The following TMIGD2 variants were observed in gnomAD, a reference collection of about 807,000 sequenced individuals.
TMIGD2 encodes transmembrane and immunoglobulin domain-containing protein 2.
Under a neutral mutation model 22.6 loss-of-function variants are expected in TMIGD2, and 18 were observed. The ratio of observed to expected loss-of-function variants is 0.80; its 90% CI spans 0.55 to 1.18. TMIGD2 has a LOEUF of 1.18. TMIGD2 is among the 50% of genes most tolerant of loss of function. The pLI, the probability that TMIGD2 is intolerant of heterozygous loss-of-function variation, is 0.00. For missense variants in TMIGD2, 361 were observed against 378.2 expected, an observed-to-expected ratio of 0.95 and a Z score of 0.38; for synonymous variants, 184 against 154.1, an observed-to-expected ratio of 1.19 and a Z score of -1.44.
intron 1 of TMIGD2, among the ~76,000 whole-genome samples, chr19:4,301,480 G>A (rs944482268): frequency 1.4e-4 from 21 of 152,122 alleles, no homozygotes; most frequent in African/African-American, 2.2e-4. Context: ...CCACCTGGCC[G>A]AGATGGCGAA....
intron 2 of TMIGD2, among the ~76,000 whole-genome samples, chr19:4,297,121 G>C (rs1031944208): frequency 1.6e-4 from 21 of 131,786 alleles, no homozygotes; most frequent in Non-Finnish European, 2.6e-4. Context: ...CTGTAGCCCA[G>C]GCTGGAGTGC....
chr19:4,301,891 G>A (rs1283774273), intron 1 of TMIGD2, among the ~76,000 whole-genome samples: 1 of 152,128 alleles, frequency 6.6e-6, no homozygotes, highest in Non-Finnish European at 1.5e-5. Flanking sequence ...TTAGACCCCC[G>A]GAGAAGTTGA....
exon 5 of TMIGD2, chr19:4,292,831 C>T: frequency 6.2e-7 from 1 of 1,613,924 alleles, no homozygotes; most frequent in Non-Finnish European, 8.5e-7. Flanking sequence ...GCAGTCCTCA[C>T]TCTTCTTTGG....
rs1223910504 is a variant in TMIGD2, at chr19:4,295,260, CA to C, written c.407-445del. 2.1e-3 allele frequency among the ~76,000 whole-genome samples: 166 copies of C among 79,164 alleles called. 1 individual carries two copies. The highest frequency in any genetic ancestry group is 4.8e-3 in the East Asian group (11 of 2,312). The allele number at this position is 79,164 out of a possible 152,430, so 51.9% of individuals were successfully genotyped here. A position where few individuals can be genotyped will look rare whatever the true frequency, so the allele number is the denominator to read the frequency against. ...TGGGTGACAGAGCAAGACTCTGCCTCAAAAAAAAAAAAAAAGAAGGCCAGGC... is the reference window on the plus strand; with the variant it reads ...TGGGTGACAGAGCAAGACTCTGCCTCAAAAAAAAAAAAAAGAAGGCCAGGC... On this transcript the variant is annotated intron_variant, in intron 2 of 4. Transcript: ENST00000301272.
chr19:4,292,675 A>G (rs1304394601), exon 5 of TMIGD2: 7 of 1,605,002 alleles, frequency 4.4e-6, no homozygotes, highest in African/African-American at 1.3e-5. Flanking sequence ...GACCCTGACC[A>G]TAGAGACGGG....
intron 4 of TMIGD2, among the ~76,000 whole-genome samples, chr19:4,293,538 GCA>G (rs1971415599): frequency 6.6e-6 from 1 of 151,248 alleles, no homozygotes; most frequent in African/African-American, 2.4e-5. Context: ...GGGATTACAT[GCA>G]TGAGCCACTG....
intron 1 of TMIGD2, among the ~76,000 whole-genome samples, chr19:4,298,701 A>G (rs1971496821): frequency 6.6e-6 from 1 of 151,998 alleles, no homozygotes; most frequent in Non-Finnish European, 1.5e-5. Context: ...GCACCACTGC[A>G]CTCCAGCCTG....
intron 1 of TMIGD2, among the ~76,000 whole-genome samples, chr19:4,301,742 G>C (rs531457414): frequency 6.6e-6 from 1 of 152,192 alleles, no homozygotes; most frequent in Non-Finnish European, 1.5e-5. Context: ...GGAATCAGAG[G>C]AGAGGGAAAG....
intron 1 of TMIGD2, among the ~76,000 whole-genome samples, chr19:4,300,834 G>C (rs79179716): frequency 0.077 from 11,770 of 152,312 alleles, 606 homozygotes; most frequent in Non-Finnish European, 0.12. Context: ...AGGGAGAGAG[G>C]GAGGAAGGGT....
chr19:4,298,299 C>T, exon 2 of TMIGD2: 1 of 1,603,516 alleles, frequency 6.2e-7, no homozygotes, highest in Non-Finnish European at 8.5e-7. Context: ...TCACCTGCAG[C>T]AAGTTGGGCC....
chr19:4,293,710 C>T (rs982761738), intron 4 of TMIGD2, among the ~76,000 whole-genome samples: 2 of 152,032 alleles, frequency 1.3e-5, no homozygotes, highest in Admixed American at 1.3e-4. Flanking sequence ...AATCCTCACA[C>T]CTCAGCCTCC....
chr19:4,292,413 C>G (rs1053311361), exon 5 of TMIGD2: 12 of 676,480 alleles, frequency 1.8e-5, no homozygotes, highest in Non-Finnish European at 2.6e-5. Flanking sequence ...GCAATCTCGG[C>G]TCACTGCAAC....
At chr19:4,293,167 T>C (rs1228186020) in intron 4 of TMIGD2, among the ~76,000 whole-genome samples, 3 of 151,404 alleles carry the variant, frequency 2.0e-5, no homozygotes, top group East Asian at 3.9e-4. Flanking sequence ...GTTTCACTGT[T>C]AGCCAGGATG....
chr19:4,294,486 TCC>T (rs1353448109), intron 4 of TMIGD2, 91 bp downstream of exon 4: 41 of 1,223,756 alleles, frequency 3.4e-5, no homozygotes, highest in South Asian at 5.1e-5. Context: ...CCTCCATCCT[TCC>T]CCCAGGCGGG....
intron 1 of TMIGD2, among the ~76,000 whole-genome samples, chr19:4,301,817 C>CA (rs1200473553): frequency 6.6e-6 from 1 of 152,184 alleles, no homozygotes; most frequent in Non-Finnish European, 1.5e-5. Flanking sequence ...TAATTGGAAA[C>CA]ACAGAGGGAG....
chr19:4,294,901 C>T, intron 2 of TMIGD2, 85 bp from the exon 3 acceptor site: 2 of 1,325,396 alleles, frequency 1.5e-6, no homozygotes, highest in South Asian at 1.7e-5. Flanking sequence ...CCTAAGTGTT[C>T]CTCCTCCTGC....
chr19:4,299,777 A>G (rs1339092403), intron 1 of TMIGD2, among the ~76,000 whole-genome samples: 1 of 151,068 alleles, frequency 6.6e-6, no homozygotes, highest in Non-Finnish European at 1.5e-5. Flanking sequence ...TCCCAGCTAC[A>G]TGGGAGGCTG....
At chr19:4,298,061 C>T (rs139982552) in exon 2 of TMIGD2, 22 of 1,613,550 alleles carry the variant, frequency 1.4e-5, no homozygotes, top group South Asian at 3.3e-5. Context: ...GCCCAGCACA[C>T]GTACGCCCCG....
intron 1 of TMIGD2, among the ~76,000 whole-genome samples, chr19:4,300,583 T>G (rs1423036852): frequency 3.9e-5 from 6 of 152,120 alleles, no homozygotes; most frequent in African/African-American, 1.4e-4. Context: ...AAAACATTCC[T>G]GGGCTCATGT....
Sources: gnomAD v4.1 joint callset for allele counts (sites outside exome capture counted in the v4.1 genomes callset) on GRCh38, gnomAD v4.1.1 for gene constraint, MANE v1.5 for transcripts, NCBI Gene and HGNC (gene_info 2026-07-23, HGNC 2026-07-21) for gene names.